NUP62: variants seen among roughly 807,000 people sequenced by gnomAD.
NUP62 encodes the protein nuclear pore glycoprotein p62.
For synonymous variants in NUP62, 305 were observed against 303.4 expected (o/e 1.01, Z -0.05); for missense variants, 647 against 689.4 (o/e 0.94, Z 0.69).
intron 2 of NUP62, among the ~76,000 whole-genome samples, chr19:49,914,726 G>GTTTTGTTTT (rs2075575701): frequency 7.1e-5 from 4 of 56,362 alleles, no homozygotes; most frequent in Admixed American, 2.8e-4. Flanking sequence ...CCAAGTCCCA[G>GTTTTGTTTT]TTTTTTTTTT....
At position 49,909,622 on chromosome 19, in the gene NUP62, A is replaced by G. The variant is rs1403727811; in HGVS notation, c.186T>C (p.Leu62=). The G allele has an allele frequency of 6.2e-7, 1 of 1,614,158 alleles. No homozygotes were observed. Among genetic ancestry groups the G allele is most frequent in the Non-Finnish European group, 8.5e-7 (1 of 1,180,014 alleles). The change falls in exon 3 of 3, where the codon CTT becomes CTC. Residue 62 remains leucine (L), a synonymous_variant. Transcript: ENST00000352066. The stretch of plus-strand genomic sequence containing the variant: ...TCTGTGTGGCCGGAGTCTGGGTGGC[A>G]AGTGAGAACAGGCCGGTGGAAGGGG... ...TSTPSTGLFS[L]ATQTPATQTT...
At chr19:49,924,741 C>T (rs1361780543) in intron 2 of NUP62, among the ~76,000 whole-genome samples, 1 of 152,172 alleles carries the variant, frequency 6.6e-6, no homozygotes, top group Non-Finnish European at 1.5e-5. Context: ...TGAACTAGAA[C>T]AGGCTGGGAG....
chr19:49,924,502 A>G (rs561007707), intron 2 of NUP62, among the ~76,000 whole-genome samples: 42 of 151,966 alleles, frequency 2.8e-4, no homozygotes, highest in South Asian at 8.3e-4. Flanking sequence ...GCCTGCAACC[A>G]CCGCCTCACT....
At chr19:49,916,801 G>A (rs774695602) in intron 2 of NUP62, among the ~76,000 whole-genome samples, 5 of 152,166 alleles carry the variant, frequency 3.3e-5, no homozygotes, top group African/African-American at 7.2e-5. Context: ...GCATGGTGGC[G>A]TGTGCCTGTG....
intron 2 of NUP62, among the ~76,000 whole-genome samples, chr19:49,919,020 G>A (rs1269343562): frequency 6.6e-6 from 1 of 151,984 alleles, no homozygotes; most frequent in Non-Finnish European, 1.5e-5. Flanking sequence ...AGGTATGGTG[G>A]TGCATGCCTG....
rs1490170142 is a variant in NUP62, at chr19:49,909,641, G to C, written c.167C>G (p.Ser56Cys). Residue 56 changes from serine to cysteine, a missense_variant, in exon 3 of 3, where the codon TCC becomes TGC. Transcript: ENST00000352066. ...GGTGGCAAGTGAGAACAGGCCGGTG[G>C]AAGGGGTACTTGTGGCTGGTTGGAA... ...APFQPATSTP[S>C]TGLFSLATQT... 1 of 1,614,226 alleles carries C rather than the reference G, an allele frequency of 6.2e-7. No individual in the cohort carries two copies. The highest frequency in any genetic ancestry group is 8.5e-7 in the Non-Finnish European group (1 of 1,180,042).
In NUP62 at chr19:49,908,401, G is replaced by A; in HGVS notation, c.1407C>T (p.Asp469=). 1 of 1,614,198 alleles carries A rather than the reference G, an allele frequency of 6.2e-7. No individual in the cohort carries two copies. Among genetic ancestry groups the A allele is most frequent in the Non-Finnish European group, 8.5e-7 (1 of 1,180,042 alleles). Residue 469 remains aspartate (D), a synonymous_variant, in exon 3 of 3, where the codon GAC becomes GAT. Transcript: ENST00000352066. ...GGATCTTGCAGATCTGCTGCAGTGG[G>A]TCACTGGTGTCGGCGGGGGCCCCGG... ...NTSGAPADTS[D]PLQQICKILN... is the part of the protein sequence containing the mutation.
chr19:49,907,430 G>T lies in NUP62; in HGVS notation c.*809C>A. 1.4e-5 allele frequency: 6 copies of T among 413,948 alleles called. No homozygotes were observed. The highest frequency in any genetic ancestry group is 1.0e-4 in the South Asian group (6 of 57,428). 25.6% of individuals were successfully genotyped at this position (413,948 alleles called of 1,614,324 possible). A position where few individuals can be genotyped will look rare whatever the true frequency, so the allele number is the denominator to read the frequency against. On this transcript the variant is annotated 3_prime_UTR_variant, in exon 3 of 3. Coordinates refer to ENST00000352066, the MANE Select transcript of NUP62 (RefSeq NM_016553.5). The stretch of plus-strand genomic sequence containing the variant: ...TGTCTTCTGTGAAATTCTTGATCCC[G>T]CTCTGTTCTATTCACACTGTGCTGC...
intron 1 of NUP62, 134 bp downstream of exon 1, chr19:49,929,192 C>G (rs1432631916): frequency 6.5e-6 from 1 of 152,822 alleles, no homozygotes; most frequent in East Asian, 1.9e-4. Flanking sequence ...TCCCCAGTCC[C>G]CGGGGCCGCC....
At chr19:49,912,614 A>G (rs755921636) in intron 2 of NUP62, among the ~76,000 whole-genome samples, 4 of 152,202 alleles carry the variant, frequency 2.6e-5, no homozygotes, top group Non-Finnish European at 5.9e-5. Flanking sequence ...CTGTAATCCC[A>G]GCACTTTGGG....
chr19:49,927,663 G>C (rs2075935586), intron 2 of NUP62, 31 bp downstream of exon 2: 2 of 152,176 alleles, frequency 1.3e-5, no homozygotes, highest in African/African-American at 4.8e-5. Flanking sequence ...GCCCGCAACA[G>C]GTAAGGAAGG....
chr19:49,918,022 AAAAC>A (rs150266099), intron 2 of NUP62, among the ~76,000 whole-genome samples: 11,446 of 152,016 alleles, frequency 0.075, 570 homozygotes, highest in African/African-American at 0.14. Context: ...ACAGACACAC[AAAAC>A]AAACAAACAA....
intron 2 of NUP62, among the ~76,000 whole-genome samples, chr19:49,913,721 G>C (rs2075543999): frequency 6.6e-6 from 1 of 152,198 alleles, no homozygotes; most frequent in African/African-American, 2.4e-5. Flanking sequence ...CCGTGACTGT[G>C]AGTAGAAAGC....
chr19:49,917,471 C>T (rs930125035), intron 2 of NUP62: 1 of 152,300 alleles, frequency 6.6e-6, no homozygotes, highest in East Asian at 1.9e-4. Flanking sequence ...CTGAAGTCAA[C>T]TGACCAACAC....
At chr19:49,910,841 C>A (rs567840607) in intron 2 of NUP62, among the ~76,000 whole-genome samples, 1 of 152,182 alleles carries the variant, frequency 6.6e-6, no homozygotes, top group South Asian at 2.1e-4. Context: ...GTGGTGCCAT[C>A]TATCAGCAGG....
At chr19:49,910,146 C>G (rs975199456) in intron 2 of NUP62, among the ~76,000 whole-genome samples, 1 of 152,038 alleles carries the variant, frequency 6.6e-6, no homozygotes, top group African/African-American at 2.4e-5. Flanking sequence ...GAGGACGAGG[C>G]GGGAGAACAG....
At chr19:49,917,414 C>A (rs1152239) in intron 2 of NUP62, among the ~76,000 whole-genome samples, 106,414 of 152,072 alleles carry the variant, frequency 0.7, 37,426 homozygotes, top group East Asian at 0.91. Context: ...AAGAAAATCC[C>A]CCTAAACCTT....
intron 2 of NUP62, among the ~76,000 whole-genome samples, chr19:49,917,235 G>A (rs1182885650): frequency 6.6e-6 from 1 of 152,228 alleles, no homozygotes; most frequent in African/African-American, 2.4e-5. Flanking sequence ...CTGAGGCTCA[G>A]ACGCCGTCCT....
chr19:49,925,141 A>C (rs180894477), intron 2 of NUP62, among the ~76,000 whole-genome samples: 21 of 152,104 alleles, frequency 1.4e-4, no homozygotes, highest in Non-Finnish European at 2.5e-4. Flanking sequence ...CATGCCTGTA[A>C]TCCTAGCTAC....
Sources: allele counts gnomAD v4.1 joint callset (sites outside exome capture counted in the v4.1 genomes callset), GRCh38; gene constraint gnomAD v4.1.1; transcripts MANE v1.5; gene names NCBI Gene and HGNC (gene_info 2026-07-23, HGNC 2026-07-21).